Variants in COL5A1 observed in about 807,000 individuals in gnomAD.
The protein encoded by COL5A1 is collagen type V alpha 1 chain, also known as collagen alpha-1(V) chain.
COL5A1 carries 16 observed loss-of-function variants against 263.7 expected under a neutral mutation model. The observed-to-expected ratio is 0.06, with a 90% CI of 0.04 to 0.09. The LOEUF (loss-of-function observed/expected upper bound fraction) is 0.09, where lower values mean the gene tolerates loss of function less well. COL5A1 is among the 10% of genes least tolerant of loss of function. COL5A1 has a pLI of 1.00. For synonymous variants in COL5A1, 1,012 were observed against 1,004.5 expected (o/e 1.01, Z -0.14); for missense variants, 2,036 against 2,540.5 (o/e 0.80, Z 4.27).
In COL5A1 at chr9:134,652,590, G is replaced by T; in HGVS notation, c.109+10294G>T. On this transcript the variant is annotated intron_variant, in intron 1 of 65. Coordinates refer to ENST00000371817, the MANE Select transcript of COL5A1 (RefSeq NM_000093.5). The surrounding 1 kb of genome is among the most constrained non-coding windows in gnomAD (Gnocchi z 4.4). ...TCGGCCTGTAGTTGGGGGAGTCCGA[G>T]GATGCTGCTCTGCACCCCACAGTGC... 4.9e-6 allele frequency: 2 copies of T among 409,516 alleles called. No homozygotes were observed. 25.4% of individuals were successfully genotyped at this position (409,516 alleles called of 1,614,324 possible). A position where few individuals can be genotyped will look rare whatever the true frequency, so the allele number is the denominator to read the frequency against.
At position 134,825,870 on chromosome 9, in the gene COL5A1, C is replaced by T. The variant is rs145299315; in HGVS notation, c.5033C>T (p.Ser1678Leu). 5 of 1,612,958 alleles carry T rather than the reference C, an allele frequency of 3.1e-6. No homozygotes were observed. In the South Asian group the frequency reaches 3.3e-5, roughly 11 times the overall value. Residue 1678 changes from serine (S) to leucine (L), a missense_variant, in exon 63 of 66, where the codon TCG becomes TTG. Ser to Leu is a moderately radical substitution (Grantham distance 145, BLOSUM62 -2). Coordinates refer to ENST00000371817, the MANE Select transcript of COL5A1 (RefSeq NM_000093.5). ...TACTGCAACTTCACAGCCGGGGGGT[C>T]GACATGCGTCTTCCCTGACAAGAAG... ...KVYCNFTAGG[S>L]TCVFPDKKSE... is the part of the protein sequence containing the mutation.
chr9:134,830,455 T>A, intron 64 of COL5A1: 1 of 547,144 alleles, frequency 1.8e-6, no homozygotes, highest in Non-Finnish European at 3.3e-6. Flanking sequence ...GCTGATCCTC[T>A]GCCCACAGAC....
chr9:134,691,182 G>C, intron 2 of COL5A1, 103 bp downstream of exon 2: 1 of 1,462,648 alleles, frequency 6.8e-7, no homozygotes, highest in Non-Finnish European at 9.4e-7. Flanking sequence ...AGCGGGCTCA[G>C]CTTTCCAGGA....
At position 134,817,755 on chromosome 9, in the gene COL5A1, T is replaced by C. The variant is rs775980354; in HGVS notation, c.4177-23T>C. ...ACCCCTGCAGGCCACACTCACCACCTGCTGTTCTCTTGCTTCTTTCAGGGT... is the reference window on the plus strand; with the variant it reads ...ACCCCTGCAGGCCACACTCACCACCCGCTGTTCTCTTGCTTCTTTCAGGGT... On this transcript the variant is annotated intron_variant, in intron 53 of 65. Transcript: ENST00000371817. 3.1e-6 allele frequency: 5 copies of C among 1,609,640 alleles called. No homozygotes were observed. The African/African-American group carries it at 6.7e-5, about 22-fold the overall frequency.
At chr9:134,728,468 C>T (rs1051598805) in intron 5 of COL5A1, among the ~76,000 whole-genome samples, 1 of 152,234 alleles carries the variant, frequency 6.6e-6, no homozygotes, top group Non-Finnish European at 1.5e-5. Flanking sequence ...TGCTTTCTCT[C>T]TTGTGCTTCT....
At chr9:134,745,723 T>C (rs2132670103) in intron 11 of COL5A1, among the ~76,000 whole-genome samples, 1 of 152,204 alleles carries the variant, frequency 6.6e-6, no homozygotes, top group Non-Finnish European at 1.5e-5. Flanking sequence ...CCTCGGACAA[T>C]TGATGACCAA....
intron 1 of COL5A1, among the ~76,000 whole-genome samples, chr9:134,666,994 T>C (rs1832380888): frequency 6.6e-6 from 1 of 152,180 alleles, no homozygotes; most frequent in African/African-American, 2.4e-5. Context: ...ACATAACCAT[T>C]TTTTGATTAC....
intron 1 of COL5A1, 25 bp from the exon 2 acceptor site, chr9:134,690,887 C>G: frequency 6.2e-7 from 1 of 1,613,286 alleles, no homozygotes; most frequent in Non-Finnish European, 8.5e-7. Context: ...CCGTGGCTAA[C>G]TCTGCTCCTC....
Position 134,824,592 on chromosome 9 carries a change from TC to T in COL5A1, c.4699-3del, listed in dbSNP as rs1554808051. On this transcript the variant is annotated splice_polypyrimidine_tract_variant and splice_region_variant and intron_variant, in intron 61 of 65. Transcript: ENST00000371817. ...ATCACCCACCGCTGCTCCTGTTCTG[TC>T]CCCCAGGGCCCCCCGGGAGAGGTCA... 1 of 1,613,674 alleles carries T rather than the reference TC, an allele frequency of 6.2e-7. No homozygotes were observed. Among genetic ancestry groups the T allele is most frequent in the Non-Finnish European group, 8.5e-7 (1 of 1,179,956 alleles).
chr9:134,702,941 G>T (rs1833722266), intron 4 of COL5A1, among the ~76,000 whole-genome samples: 2 of 152,240 alleles, frequency 1.3e-5, no homozygotes, highest in Non-Finnish European at 2.9e-5. Flanking sequence ...CTTATAGGAA[G>T]CCCCGGCTTA....
intron 49 of COL5A1, 35 bp downstream of exon 49, chr9:134,814,071 T>A: frequency 1.9e-6 from 3 of 1,547,774 alleles, no homozygotes; most frequent in Non-Finnish European, 2.6e-6. Context: ...GGGTGGGATA[T>A]GGCCGAGCGG....
rs1185843442 is a variant in COL5A1, at chr9:134,842,072, CCAGA to C, written c.5371-80_5371-77del. ...CAGGACACCAGCCTGGGTTTTGGAG[CCAGA>C]CAGATTGTGGGGGGTGATTGGTAAA... On this transcript the variant is annotated intron_variant, in intron 65 of 65. Coordinates refer to ENST00000371817, the MANE Select transcript of COL5A1 (RefSeq NM_000093.5). The surrounding 1 kb of genome is among the most constrained non-coding windows in gnomAD (Gnocchi z 5.8). 1 of 1,537,258 alleles carries C rather than the reference CCAGA, an allele frequency of 6.5e-7. No individual in the cohort carries two copies. Among genetic ancestry groups the C allele is most frequent in the Admixed American group, 1.7e-5 (1 of 59,128 alleles).
chr9:134,695,901 G>A (rs1003649134), intron 2 of COL5A1, among the ~76,000 whole-genome samples: 1 of 151,918 alleles, frequency 6.6e-6, no homozygotes, highest in African/African-American at 2.4e-5. Flanking sequence ...CCCCAATGTG[G>A]GACTGAGAGC....
chr9:134,837,386 C>A (rs1839884198), intron 65 of COL5A1, among the ~76,000 whole-genome samples: 5 of 152,020 alleles, frequency 3.3e-5, no homozygotes, highest in Admixed American at 3.3e-4. Context: ...ACGAAGGACC[C>A]TTGGAGGTTA....
intron 1 of COL5A1, 117 bp from the exon 2 acceptor site, chr9:134,690,795 G>A (rs1833251050): frequency 7.8e-7 from 1 of 1,279,988 alleles, no homozygotes. Context: ...GCTCTTCTGA[G>A]TGCCCAGGAT....
chr9:134,656,600 C>T (rs942479750), intron 1 of COL5A1, among the ~76,000 whole-genome samples: 2 of 152,228 alleles, frequency 1.3e-5, no homozygotes, highest in East Asian at 1.9e-4. Flanking sequence ...TGCAGGACAT[C>T]GTCCCGTGCA....
intron 1 of COL5A1, among the ~76,000 whole-genome samples, chr9:134,662,772 C>T (rs146518999): frequency 1.5e-4 from 23 of 152,304 alleles, no homozygotes; most frequent in Admixed American, 3.9e-4. Flanking sequence ...CGGGCTAACT[C>T]GCATGAAACC....
intron 1 of COL5A1, among the ~76,000 whole-genome samples, chr9:134,673,254 A>G (rs1472665793): frequency 1.3e-5 from 2 of 152,216 alleles, no homozygotes; most frequent in South Asian, 2.1e-4. Context: ...ATGCTTTGTG[A>G]TTTTGAGACT....
At chr9:134,813,732 C>T (rs539314786) in intron 48 of COL5A1, among the ~76,000 whole-genome samples, 2 of 152,356 alleles carry the variant, frequency 1.3e-5, no homozygotes, top group South Asian at 2.1e-4. Flanking sequence ...AGCAGCGCTC[C>T]GGGAAAGCCT....
Sources: allele counts gnomAD v4.1 joint callset (sites outside exome capture counted in the v4.1 genomes callset), GRCh38; gene constraint gnomAD v4.1.1; non-coding constraint Gnocchi (gnomAD v3.1); transcripts MANE v1.5; gene names NCBI Gene and HGNC (gene_info 2026-07-23, HGNC 2026-07-21).